The following CREBBP variants were observed in gnomAD, a reference collection of about 807,000 sequenced individuals.
CREBBP encodes the protein CREB binding lysine acetyltransferase, also known as CREB-binding protein.
A neutral mutation model predicts 265.0 loss-of-function variants in CREBBP; 19 were observed. The observed-to-expected ratio is 0.07, with a 90% CI of 0.05 to 0.11. The LOEUF (loss-of-function observed/expected upper bound fraction) is 0.11, where lower values mean the gene tolerates loss of function less well. Ranked by LOEUF, CREBBP falls within the 10% of genes least tolerant of loss-of-function variation. The pLI, the probability that CREBBP is intolerant of heterozygous loss-of-function variation, is 1.00. For missense variants in CREBBP, 2,525 were observed against 3,219.0 expected (o/e 0.78, Z 5.22); for synonymous variants, 1,457 against 1,223.7 (o/e 1.19, Z -3.98).
chr16:3,735,890 C>CCT, intron 28 of CREBBP, 146 bp downstream of exon 28: 1 of 1,276,928 alleles, frequency 7.8e-7, no homozygotes, highest in Non-Finnish European at 1.1e-6. Context: ...CCACCAACGC[C>CCT]CTGTGCTGCA....
At chr16:3,876,606 T>C (rs1395186320) in intron 1 of CREBBP, among the ~76,000 whole-genome samples, 6 of 152,046 alleles carry the variant, frequency 3.9e-5, no homozygotes, top group South Asian at 2.1e-4. Flanking sequence ...TCCCCACTTA[T>C]TGTAAGGGTG....
At chr16:3,768,120 TC>T (rs894522704) in intron 15 of CREBBP, among the ~76,000 whole-genome samples, 1 of 143,064 alleles carries the variant, frequency 7.0e-6, no homozygotes, top group African/African-American at 2.6e-5. Flanking sequence ...GCAATTATGG[TC>T]CTAAATTTAA....
chr16:3,828,916 C>T (rs1438591371), intron 2 of CREBBP, among the ~76,000 whole-genome samples: 1 of 152,078 alleles, frequency 6.6e-6, no homozygotes, highest in African/African-American at 2.4e-5. Flanking sequence ...AGCACAGTGC[C>T]CAGTACAATA....
chr16:3,789,093 T>TA (rs970266545), intron 5 of CREBBP, among the ~76,000 whole-genome samples: 3 of 152,180 alleles, frequency 2.0e-5, no homozygotes, highest in African/African-American at 7.2e-5. Flanking sequence ...TCACAGAAGT[T>TA]AAGAGAGTGG....
chr16:3,804,774 C>G (rs1006093293), intron 3 of CREBBP, among the ~76,000 whole-genome samples: 4 of 152,162 alleles, frequency 2.6e-5, no homozygotes, highest in Admixed American at 1.3e-4. Flanking sequence ...AGACAAAAAA[C>G]AAAACAAAAA....
intron 2 of CREBBP, among the ~76,000 whole-genome samples, chr16:3,818,307 T>C (rs1316225162): frequency 8.6e-4 from 121 of 140,740 alleles, no homozygotes; most frequent in East Asian, 7.3e-3. Flanking sequence ...TCTTTTCTTT[T>C]TTTTTTTTTT....
chr16:3,769,700 G>T (rs1439049290), intron 14 of CREBBP, among the ~76,000 whole-genome samples: 2 of 152,168 alleles, frequency 1.3e-5, no homozygotes, highest in Non-Finnish European at 2.9e-5. Flanking sequence ...TATGGTAAAA[G>T]GCTGAATTAT....
intron 21 of CREBBP, among the ~76,000 whole-genome samples, chr16:3,748,671 C>T (rs1456408310): frequency 2.0e-5 from 3 of 152,188 alleles, no homozygotes; most frequent in Non-Finnish European, 4.4e-5. Context: ...GCTCCTGGAG[C>T]CTGTGCTCAC....
chr16:3,736,847 C>G (rs376318600), intron 26 of CREBBP, 32 bp from the exon 27 acceptor site: 1 of 1,613,646 alleles, frequency 6.2e-7, no homozygotes, highest in South Asian at 1.1e-5. Context: ...GTCAGATGAA[C>G]GTGCCAGTGA....
intron 13 of CREBBP, among the ~76,000 whole-genome samples, chr16:3,771,359 G>A (rs1220141890): frequency 3.9e-5 from 6 of 152,034 alleles, no homozygotes; most frequent in African/African-American, 7.2e-5. Flanking sequence ...GTGAGCCACC[G>A]CGCCCAGCCA....
intron 19 of CREBBP, among the ~76,000 whole-genome samples, chr16:3,755,692 C>T (rs1274481175): frequency 6.6e-6 from 1 of 152,014 alleles, no homozygotes; most frequent in East Asian, 1.9e-4. Flanking sequence ...GGGAGAGATC[C>T]CATTAGGAAG....
chr16:3,764,371 G>A (rs934509785), intron 16 of CREBBP, among the ~76,000 whole-genome samples: 2 of 152,018 alleles, frequency 1.3e-5, no homozygotes, highest in African/African-American at 4.8e-5. Context: ...CAACCTCCTG[G>A]GCTCAAGCAA....
chr16:3,758,957 T>C lies in CREBBP; in HGVS notation c.3266A>G (p.Glu1089Gly). 6.2e-7 allele frequency: 1 copy of C among 1,612,706 alleles called. No individual in the cohort carries two copies. The highest frequency in any genetic ancestry group is 8.5e-7 in the Non-Finnish European group (1 of 1,179,582). Residue 1089 changes from glutamate to glycine, a missense_variant, in exon 17 of 31, where the codon GAG (glutamate) becomes GGG (glycine). This residue lies in a region of CREBBP where 12 missense variants were observed against 24.9 expected (regional missense o/e 0.48). Transcript: ENST00000262367. ...QPRKKIFKPE[E>G]LRQALMPTLE... is the part of the protein sequence containing the mutation. ...GGTTGGCATGAGGGCCTGGCGTAAC[T>C]CCTCTGGTTTAAAGACTGCAGAGAA...
chr16:3,753,310 T>C (rs2052516662), intron 19 of CREBBP, among the ~76,000 whole-genome samples: 2 of 152,230 alleles, frequency 1.3e-5, no homozygotes, highest in African/African-American at 4.8e-5. Flanking sequence ...ATTGAGCATT[T>C]TGTCTGTTGT....
At position 3,757,282 on chromosome 16, in the gene CREBBP, G is replaced by A. The variant is rs1459925197; in HGVS notation, c.3698+6C>T. On this transcript the variant is annotated splice_donor_region_variant and intron_variant, in intron 19 of 30. Coordinates refer to ENST00000262367, the MANE Select transcript of CREBBP (RefSeq NM_004380.3). ...GACATAATGCAGGATGCTGCTTGAC[G>A]CTTACCTATTCTGATAGCTGTAGTA... is the stretch of plus-strand genomic sequence containing the variant. 15 of 1,606,770 alleles carry A rather than the reference G, an allele frequency of 9.3e-6. No homozygotes were observed. The highest frequency in any genetic ancestry group is 2.2e-5 in the East Asian group (1 of 44,832).
chr16:3,744,280 G>C (rs992021588), intron 23 of CREBBP, among the ~76,000 whole-genome samples: 1 of 152,106 alleles, frequency 6.6e-6, no homozygotes, highest in Non-Finnish European at 1.5e-5. Flanking sequence ...AGCACCCACG[G>C]GACAGACCCA....
Position 3,852,035 on chromosome 16 carries a change from C to CAAAAAAAAAAAAAA in CREBBP, c.86-1040_86-1027dup, listed in dbSNP as rs551018184. Among the ~76,000 whole-genome samples, 2 of 11,200 alleles carry CAAAAAAAAAAAAAA rather than the reference C, an allele frequency of 1.8e-4. 1 individual carries two copies. Among genetic ancestry groups the CAAAAAAAAAAAAAA allele is most frequent in the Non-Finnish European group, 3.5e-4 (2 of 5,672 alleles). The allele number at this position is 11,200 out of a possible 152,430, so 7.3% of individuals were successfully genotyped here. A position where few individuals can be genotyped will look rare whatever the true frequency, so the allele number is the denominator to read the frequency against. ...CCTGGGCAACAGCGAGACTCCATCT[C>CAAAAAAAAAAAAAA]AAAAAAAAAAAAAAAAAAAAAAAAA... is the stretch of plus-strand genomic sequence containing the variant. On this transcript the variant is annotated intron_variant, in intron 1 of 30. Coordinates refer to ENST00000262367, the MANE Select transcript of CREBBP (RefSeq NM_004380.3).
intron 3 of CREBBP, among the ~76,000 whole-genome samples, chr16:3,798,612 A>T (rs1471137696): frequency 1.3e-5 from 2 of 152,238 alleles, no homozygotes; most frequent in Non-Finnish European, 2.9e-5. Flanking sequence ...AATGCAAGTT[A>T]AGACCACAGT....
intron 1 of CREBBP, among the ~76,000 whole-genome samples, chr16:3,873,871 A>G (rs1417082819): frequency 6.6e-6 from 1 of 152,126 alleles, no homozygotes; most frequent in Admixed American, 6.5e-5. Flanking sequence ...CAAGAAAATG[A>G]TAAGAACTTT....
Sources: gnomAD v4.1 joint callset for allele counts (sites outside exome capture counted in the v4.1 genomes callset) on GRCh38, gnomAD v4.1.1 for gene constraint, gnomAD v4.1.1 regional missense constraint, MANE v1.5 for transcripts, NCBI Gene and HGNC (gene_info 2026-07-23, HGNC 2026-07-21) for gene names.